The following PHACTR3 variants were observed in gnomAD, a reference collection of about 807,000 sequenced individuals.
PHACTR3 encodes protein phosphatase 1, regulatory subunit 123.
A neutral mutation model predicts 66.8 loss-of-function variants in PHACTR3; 16 were observed. That is an observed-to-expected ratio of 0.24 (90% CI 0.16 to 0.36). PHACTR3 has a LOEUF of 0.36. Ranked by LOEUF, PHACTR3 falls within the 10% of genes least tolerant of loss-of-function variation. The pLI is 1.00. For missense variants in PHACTR3, 647 were observed against 719.9 expected (o/e 0.90, Z 1.16); for synonymous variants, 323 against 292.1 (o/e 1.11, Z -1.08).
rs537855978 is a variant in PHACTR3 at position 59,675,915 on chromosome 20, C to T, written c.119-67192C>T. On this transcript the variant is annotated intron_variant, in intron 1 of 12. Coordinates refer to ENST00000371015, the MANE Select transcript of PHACTR3 (RefSeq NM_080672.5). ...GGTGCTACAGGTGACCCTAGGTCCT[C>T]GACCTCCCCATCTGTCTGCCACCTG... 5.3e-5 allele frequency among the ~76,000 whole-genome samples: 8 copies of T among 152,342 alleles called. No homozygotes were observed. In the South Asian group the frequency reaches 1.4e-3, roughly 28 times the overall value.
chr20:59,778,226 C>T (rs570152186), intron 7 of PHACTR3, among the ~76,000 whole-genome samples: 1 of 152,186 alleles, frequency 6.6e-6, no homozygotes, highest in Non-Finnish European at 1.5e-5. Flanking sequence ...GCCACAGGAC[C>T]AGGGTCTCAT....
rs559220011 is a variant in PHACTR3, at chr20:59,767,503, C to T, written c.751+108C>T. 19 of 1,259,306 alleles carry T rather than the reference C, an allele frequency of 1.5e-5. No homozygotes were observed. The East Asian group carries it at 4.8e-4, about 32-fold the overall frequency. The allele number at this position is 1,259,306 out of a possible 1,614,324, so 78.0% of individuals were successfully genotyped here. On this transcript the variant is annotated intron_variant, in intron 5 of 12. Transcript: ENST00000371015. ...TCATCTATCTATTTATTCACCCATT[C>T]ACTCATCCATCCATCCATACCTTCA...
chr20:59,581,285 G>A (rs1053051564), intron 1 of PHACTR3, among the ~76,000 whole-genome samples: 31 of 152,142 alleles, frequency 2.0e-4, no homozygotes, highest in African/African-American at 2.7e-4. Context: ...ATGATGTCCC[G>A]GCAGCTCGAG....
upstream of PHACTR3, among the ~76,000 whole-genome samples, chr20:59,604,194 C>T (rs574394833): frequency 2.0e-5 from 3 of 152,234 alleles, no homozygotes; most frequent in East Asian, 5.8e-4. Flanking sequence ...GTGGGCGCGT[C>T]GGGACCCACT....
rs1363576832 is a variant in PHACTR3 at position 59,604,815 on chromosome 20, T to TATTGTCTC, written c.-199_-192dup. 6.6e-6 allele frequency: 8 copies of TATTGTCTC among 1,206,236 alleles called. No individual in the cohort carries two copies. Among genetic ancestry groups the TATTGTCTC allele is most frequent in the Middle Eastern group, 3.2e-4 (1 of 3,126 alleles). 74.7% of individuals were successfully genotyped at this position (1,206,236 alleles called of 1,614,324 possible). A position where few individuals can be genotyped will look rare whatever the true frequency, so the allele number is the denominator to read the frequency against. On this transcript the variant is annotated 5_prime_UTR_variant, in exon 1 of 13. The change abolishes the stop of an existing upstream ORF in the 5' untranslated region. Coordinates refer to ENST00000371015, the MANE Select transcript of PHACTR3 (RefSeq NM_080672.5). ...TGCGCCTGGCTGCAGCCGGCGAGGC[T>TATTGTCTC]ATTGTCTCCCCGCCCTGAAGCCAGC...
At chr20:59,814,277 G>T (rs535901909) in intron 8 of PHACTR3, among the ~76,000 whole-genome samples, 1 of 152,208 alleles carries the variant, frequency 6.6e-6, no homozygotes, top group Non-Finnish European at 1.5e-5. Flanking sequence ...TCCTGGGGAC[G>T]CGGGGCTGCA....
chr20:59,763,583 G>A (rs747243037), intron 4 of PHACTR3, among the ~76,000 whole-genome samples: 10 of 152,248 alleles, frequency 6.6e-5, no homozygotes, highest in Non-Finnish European at 1.2e-4. Flanking sequence ...AGATGCCAGT[G>A]TGGCCAACTG....
intron 6 of PHACTR3, 143 bp downstream of exon 6, chr20:59,773,596 T>C (rs2040429918): frequency 1.1e-6 from 1 of 933,806 alleles, no homozygotes; most frequent in African/African-American, 1.7e-5. Context: ...AGTCACATTT[T>C]CATTTTGCAC....
chr20:59,659,141 T>G (rs1335472598), intron 1 of PHACTR3, among the ~76,000 whole-genome samples: 1 of 152,156 alleles, frequency 6.6e-6, no homozygotes, highest in Non-Finnish European at 1.5e-5. Flanking sequence ...GCTATCACGA[T>G]TATTTCAAAG....
chr20:59,693,713 C>T (rs992676496), intron 1 of PHACTR3, among the ~76,000 whole-genome samples: 2 of 152,150 alleles, frequency 1.3e-5, no homozygotes, highest in African/African-American at 4.8e-5. Context: ...TGGCTGGGCC[C>T]CTGCATGCAT....
chr20:59,800,772 C>T (rs2041389722), intron 7 of PHACTR3, among the ~76,000 whole-genome samples: 1 of 152,124 alleles, frequency 6.6e-6, no homozygotes, highest in South Asian at 2.1e-4. Context: ...TATAAATACT[C>T]TTGAGTTTTG....
At chr20:59,822,040 G>A (rs186368940) in intron 8 of PHACTR3, among the ~76,000 whole-genome samples, 836 of 43,020 alleles carry the variant, frequency 0.019, 5 homozygotes, top group African/African-American at 0.043. Context: ...CTTCCCCAGC[G>A]ATCCCACCCC....
chr20:59,588,885 C>T lies in PHACTR3; in HGVS notation c.109+11268C>T, dbSNP rs57274195. ...CCTGGCAAGTCTGTGGTCTTCAGGC[C>T]CGTTGCCGAATGAAGGGTCTACTTC... On this transcript the variant is annotated intron_variant, in intron 1 of 12. Transcript: ENST00000359926. Among the ~76,000 whole-genome samples the T allele has an allele frequency of 8.5e-4, 129 of 152,342 alleles. 2 individuals are homozygous for T. The highest frequency in any genetic ancestry group is 6.8e-3 in the Middle Eastern group (2 of 294).
At chr20:59,728,045 A>G (rs1316652455) in intron 1 of PHACTR3, among the ~76,000 whole-genome samples, 1 of 152,196 alleles carries the variant, frequency 6.6e-6, no homozygotes, top group African/African-American at 2.4e-5. Flanking sequence ...ATATAGCACA[A>G]AATTAACTAT....
chr20:59,679,397 A>G (rs2036566550), intron 1 of PHACTR3, among the ~76,000 whole-genome samples: 1 of 152,216 alleles, frequency 6.6e-6, no homozygotes, highest in Non-Finnish European at 1.5e-5. Flanking sequence ...CTGCTGAAAC[A>G]ATAGGTGTTC....
At chr20:59,717,858 A>C (rs6100563) in intron 1 of PHACTR3, among the ~76,000 whole-genome samples, 7,317 of 152,256 alleles carry the variant, frequency 0.048, 569 homozygotes, top group African/African-American at 0.17. Flanking sequence ...TGAAGCACTC[A>C]AATGTATTCA....
chr20:59,814,185 G>C (rs1464483719), intron 8 of PHACTR3, among the ~76,000 whole-genome samples: 1 of 152,184 alleles, frequency 6.6e-6, no homozygotes, highest in Non-Finnish European at 1.5e-5. Context: ...CTGCAGTGCA[G>C]GGCTGGTTTG....
rs552787408 is a variant in PHACTR3, at chr20:59,788,013, T to C, written c.1174+13523T>C. Among the ~76,000 whole-genome samples, 5 of 152,326 alleles carry C rather than the reference T, an allele frequency of 3.3e-5. 1 individual carries two copies. In the South Asian group the frequency reaches 6.2e-4, roughly 19 times the overall value. On this transcript the variant is annotated intron_variant, in intron 7 of 12. Transcript: ENST00000371015. ...TTGGGGTACAGGTGGTATTTGCTTA[T>C]GTGAGTAAGTTATTTGTGAGATCCT...
In PHACTR3 at chr20:59,789,420, G is replaced by T. The variant is rs578099471; in HGVS notation, c.1174+14930G>T. ...GCATGACAGCTGAAGGTCAGGGGGT[G>T]CTAGGAGATGTTGGGAGTTCAGCTC... On this transcript the variant is annotated intron_variant, in intron 7 of 12. Transcript: ENST00000371015. Among the ~76,000 whole-genome samples the T allele has an allele frequency of 2.6e-5, 4 of 152,314 alleles. No homozygotes were observed. In the South Asian group the frequency reaches 8.3e-4, roughly 32 times the overall value.
Sources: allele counts gnomAD v4.1 joint callset (sites outside exome capture counted in the v4.1 genomes callset), GRCh38; gene constraint gnomAD v4.1.1; transcripts MANE v1.5; gene names NCBI Gene and HGNC (gene_info 2026-07-23, HGNC 2026-07-21).